The following PLA2G4F variants were observed in gnomAD, a reference collection of about 807,000 sequenced individuals.
PLA2G4F encodes phospholipase A2 group IVF, also known as cytosolic phospholipase A2 zeta.
A neutral mutation model predicts 103.1 loss-of-function variants in PLA2G4F; 105 were observed. That is an observed-to-expected ratio of 1.02 (90% CI 0.87 to 1.20). The LOEUF (loss-of-function observed/expected upper bound fraction) is 1.20. PLA2G4F is among the 50% of genes most tolerant of loss of function. PLA2G4F has a pLI of 0.00. For synonymous variants in PLA2G4F, 468 were observed against 441.1 expected (o/e 1.06, Z -0.76); for missense variants, 1,155 against 1,075.9 (o/e 1.07, Z -1.03).
chr15:42,143,176 TAAAA>T (rs56171986), intron 18 of PLA2G4F, among the ~76,000 whole-genome samples: 22 of 89,696 alleles, frequency 2.5e-4, no homozygotes, highest in African/African-American at 9.8e-4. Flanking sequence ...AGACTCCATC[TAAAA>T]AAAAAAAAAA....
Position 42,144,119 on chromosome 15 carries a change from G to A in PLA2G4F, c.2001C>T (p.Asn667=). The A allele has an allele frequency of 6.2e-7, 1 of 1,612,796 alleles. No homozygotes were observed. The highest frequency in any genetic ancestry group is 8.5e-7 in the Non-Finnish European group (1 of 1,179,510). The change falls in exon 18 of 20, where the codon AAC becomes AAT. Residue 667 remains asparagine, a synonymous_variant. Transcript: ENST00000397272. ...WKDTHPDAFP[N]QLTPMRDCLY... ...GGCAGTCCCGCATGGGGGTGAGCTG[G>A]TTGGGGAAGGCGTCCGGGTGTGTGT... is the stretch of plus-strand genomic sequence containing the variant.
rs995606847 is a variant in PLA2G4F, at chr15:42,148,957, A to G, written c.1059+756T>C. ...CCCCAATGAACGATCTAGCCTTGTC[A>G]GCGCTGGGCCACAGTGATAGCGTCT... is the stretch of plus-strand genomic sequence containing the variant. On this transcript the variant is annotated intron_variant, in intron 11 of 19. Transcript: ENST00000397272. The G allele has an allele frequency of 6.1e-6, 6 of 985,284 alleles. No individual in the cohort carries two copies. The East Asian group carries it at 6.8e-4, about 112-fold the overall frequency. The allele number at this position is 985,284 out of a possible 1,614,324, so 61.0% of individuals were successfully genotyped here. A position where few individuals can be genotyped will look rare whatever the true frequency, so the allele number is the denominator to read the frequency against.
chr15:42,153,276 G>T, intron 6 of PLA2G4F, 24 bp downstream of exon 6: 2 of 1,612,722 alleles, frequency 1.2e-6, no homozygotes, highest in Non-Finnish European at 1.7e-6. Flanking sequence ...CCAGAACAGC[G>T]CCAAGCTTGC....
intron 7 of PLA2G4F, chr15:42,151,349 A>G (rs774240288): frequency 1.0e-6 from 1 of 985,294 alleles, no homozygotes; most frequent in Non-Finnish European, 1.2e-6. Context: ...CCAGACTGGA[A>G]GATGAGGCCC....
At position 42,150,592 on chromosome 15, in the gene PLA2G4F, C is replaced by T. The variant is rs1566880831; in HGVS notation, c.771+16G>A. ...GGCTGAGTTGGATCTACCGACCATC[C>T]TGGCGGCGCACTCACCTGCACAGCT... is the stretch of plus-strand genomic sequence containing the variant. On this transcript the variant is annotated intron_variant, in intron 8 of 19. Coordinates refer to ENST00000397272, the MANE Select transcript of PLA2G4F (RefSeq NM_213600.4). 6.3e-7 allele frequency: 1 copy of T among 1,598,464 alleles called. No homozygotes were observed. The highest frequency in any genetic ancestry group is 1.7e-5 in the Admixed American group (1 of 58,622).
chr15:42,141,708 C>G lies in PLA2G4F; in HGVS notation c.*276G>C, dbSNP rs575227209. The G allele has an allele frequency of 1.8e-6, 1 of 570,564 alleles. No individual in the cohort carries two copies. The highest frequency in any genetic ancestry group is 1.9e-5 in the African/African-American group (1 of 53,920). 35.3% of individuals were successfully genotyped at this position (570,564 alleles called of 1,614,324 possible). ...GGCTCACCTGATTCTCTCCACACCCCGCTGTGAAATGAGTGCTGTTCTCTT... is the reference window on the plus strand; with the variant it reads ...GGCTCACCTGATTCTCTCCACACCCGGCTGTGAAATGAGTGCTGTTCTCTT... On this transcript the variant is annotated 3_prime_UTR_variant, in exon 20 of 20. Transcript: ENST00000397272.
chr15:42,154,635 C>T (rs1424243112), intron 2 of PLA2G4F, 177 bp from the exon 3 acceptor site: 4 of 610,084 alleles, frequency 6.6e-6, no homozygotes, highest in Admixed American at 3.6e-5. Context: ...ATCTTGATTC[C>T]ACACACCTCC....
At position 42,144,329 on chromosome 15, in the gene PLA2G4F, A is replaced by AGG. The variant is rs2048857460; in HGVS notation, c.1975+120_1975+121insCC. 26 of 1,435,748 alleles carry AGG rather than the reference A, an allele frequency of 1.8e-5. No homozygotes were observed. The South Asian group carries it at 3.2e-4, about 18-fold the overall frequency. 88.9% of individuals were successfully genotyped at this position (1,435,748 alleles called of 1,614,324 possible). A position where few individuals can be genotyped will look rare whatever the true frequency, so the allele number is the denominator to read the frequency against. On this transcript the variant is annotated intron_variant, in intron 17 of 19. Coordinates refer to ENST00000397272, the MANE Select transcript of PLA2G4F (RefSeq NM_213600.4). Reference sequence around the variant, plus strand: ...GCAGTATTTAGAGTCGCTCCGCATCAGCCCATAGGCAGCAGGAGACCACAC... The same window carrying AGG: ...GCAGTATTTAGAGTCGCTCCGCATCAGGGCCCATAGGCAGCAGGAGACCACAC...
At chr15:42,153,686 A>AT (rs896486470) in intron 4 of PLA2G4F, 26 bp from the exon 5 acceptor site, 5 of 1,613,208 alleles carry the variant, frequency 3.1e-6, no homozygotes, top group South Asian at 1.1e-5. Flanking sequence ...GGGAGCACCA[A>AT]TTTTTTCAAG....
At chr15:42,145,735 G>A in intron 15 of PLA2G4F, 31 bp downstream of exon 15, 1 of 1,613,782 alleles carries the variant, frequency 6.2e-7, no homozygotes, top group Non-Finnish European at 8.5e-7. Flanking sequence ...CCCGGCACCT[G>A]CCTGTCCCCA....
chr15:42,148,899 C>T (rs1377816192), intron 11 of PLA2G4F: 1 of 985,442 alleles, frequency 1.0e-6, no homozygotes, highest in Non-Finnish European at 1.2e-6. Context: ...TGAGACAGAG[C>T]AGACACCTAG....
rs757518603 is a variant in PLA2G4F at position 42,142,596 on chromosome 15, T to A, written c.2261A>T (p.Asp754Val). ...RECYLFAKAEDPRSPIVLHFP... is the reference protein window; with the variant it reads ...RECYLFAKAEVPRSPIVLHFP... ...GTGCAGCACAATGGGGGAGCGGGGGTCCTCAGCCTTGGCAAACAGATAGCA... is the reference window on the plus strand; with the variant it reads ...GTGCAGCACAATGGGGGAGCGGGGGACCTCAGCCTTGGCAAACAGATAGCA... The change falls in exon 19 of 20, where the codon GAC (aspartate) becomes GTC (valine). Residue 754 changes from aspartate (D) to valine (V), a missense_variant. Asp to Val is a radical substitution (Grantham distance 152). Around this residue, in one of 3 missense-constraint regions of PLA2G4F, gnomAD observed 782 missense variants for 692.9 expected, o/e 1.13. Coordinates refer to ENST00000397272, the MANE Select transcript of PLA2G4F (RefSeq NM_213600.4). The A allele has an allele frequency of 6.8e-6, 11 of 1,613,436 alleles. No individual in the cohort carries two copies. Among genetic ancestry groups the A allele is most frequent in the Non-Finnish European group, 9.3e-6 (11 of 1,179,822 alleles).
Position 42,155,069 on chromosome 15 carries a change from CACAT to C in PLA2G4F, c.184+444_184+447del, listed in dbSNP as rs778372433. Among the ~76,000 whole-genome samples the C allele has an allele frequency of 8.7e-4, 132 of 152,076 alleles. 1 individual carries two copies. The highest frequency in any genetic ancestry group is 8.7e-4 in the African/African-American group (36 of 41,414). ...GCACTCACTGTCATGTATACAGACA[CACAT>C]ACACAACACGCACACACGTATACAC... On this transcript the variant is annotated intron_variant, in intron 2 of 19. Transcript: ENST00000397272.
In PLA2G4F at chr15:42,143,917, T is replaced by G. The variant is rs542334459; in HGVS notation, c.2142+61A>C. 29 of 1,510,634 alleles carry G rather than the reference T, an allele frequency of 1.9e-5. No homozygotes were observed. The African/African-American group carries it at 2.8e-4, about 14-fold the overall frequency. 93.6% of individuals were successfully genotyped at this position (1,510,634 alleles called of 1,614,324 possible). The stretch of plus-strand genomic sequence containing the variant: ...CAGAGCCTTCTTTCCCCTCCTCTCC[T>G]CCCTCACCCTTTCTGTCCACTCACT... On this transcript the variant is annotated intron_variant, in intron 18 of 19. Transcript: ENST00000397272.
chr15:42,154,220 T>C lies in PLA2G4F; in HGVS notation c.322A>G (p.Asn108Asp). The change falls in exon 4 of 20, where the codon AAC becomes GAC. Residue 108 changes from asparagine to aspartate, a missense_variant and splice_region_variant. This residue lies in a region of PLA2G4F where 370 missense variants were observed against 364.9 expected (regional missense o/e 1.01). Coordinates refer to ENST00000397272, the MANE Select transcript of PLA2G4F (RefSeq NM_213600.4). ...FHYQIHGAVKNVLELTLYDKD... is the reference protein window; with the variant it reads ...FHYQIHGAVKDVLELTLYDKD... ...TCATAGAGGGTGAGCTCCAGGACGT[T>C]CTGGGGACAAGGCAGGCAGGAGGTC... 1.9e-6 allele frequency: 3 copies of C among 1,614,186 alleles called. No homozygotes were observed. The highest frequency in any genetic ancestry group is 2.5e-6 in the Non-Finnish European group (3 of 1,180,024).
chr15:42,151,594 G>T, intron 7 of PLA2G4F: 1 of 982,536 alleles, frequency 1.0e-6, no homozygotes, highest in Non-Finnish European at 1.2e-6. Context: ...GTCCAGAGGA[G>T]TCCCTGCCCT....
chr15:42,141,455 G>A lies in PLA2G4F; in HGVS notation c.*529C>T, dbSNP rs1463935372. On this transcript the variant is annotated 3_prime_UTR_variant, in exon 20 of 20. Coordinates refer to ENST00000397272, the MANE Select transcript of PLA2G4F (RefSeq NM_213600.4). ...TTAGGATGATGGAGTCAGCAACATA[G>A]GCTGGCCATCCCCTCAGCCCCTCAT... 2 of 442,956 alleles carry A rather than the reference G, an allele frequency of 4.5e-6. No individual in the cohort carries two copies. Among genetic ancestry groups the A allele is most frequent in the Non-Finnish European group, 9.1e-6 (2 of 219,346 alleles). The allele number at this position is 442,956 out of a possible 1,614,324, so 27.4% of individuals were successfully genotyped here. A position where few individuals can be genotyped will look rare whatever the true frequency, so the allele number is the denominator to read the frequency against.
intron 7 of PLA2G4F, chr15:42,151,641 CGACAT>C: frequency 1.0e-6 from 1 of 985,236 alleles, no homozygotes; most frequent in African/African-American, 1.7e-5. Flanking sequence ...CCCGGAGACT[CGACAT>C]GACCAAGTGT....
At chr15:42,144,284 G>A (rs2048856588) in intron 17 of PLA2G4F, 140 bp from the exon 18 acceptor site, 1 of 1,391,544 alleles carries the variant, frequency 7.2e-7, no homozygotes, top group African/African-American at 1.4e-5. Context: ...CAAGCCCTTG[G>A]CCCTGCCTTC....
Sources: gnomAD v4.1 joint callset for allele counts (sites outside exome capture counted in the v4.1 genomes callset) on GRCh38, gnomAD v4.1.1 for gene constraint, gnomAD v4.1.1 regional missense constraint, MANE v1.5 for transcripts, NCBI Gene and HGNC (gene_info 2026-07-23, HGNC 2026-07-21) for gene names.